Variants in ADGB observed in about 807,000 individuals in gnomAD.
ADGB encodes the protein androglobin, also known as calpain-7-like protein.
ADGB carries 172 observed loss-of-function variants against 210.5 expected under a neutral mutation model. That is an observed-to-expected ratio of 0.82 (90% CI 0.72 to 0.93). ADGB has a LOEUF of 0.93. Among genes scored for constraint, ADGB ranks in the 40% least tolerant of loss-of-function variants. The pLI, the probability that ADGB is intolerant of heterozygous loss-of-function variation, is 0.00. For missense variants in ADGB, 2,025 were observed against 1,964.8 expected (o/e 1.03, Z -0.58); for synonymous variants, 658 against 662.7 (o/e 0.99, Z 0.11).
At chr6:146,805,478 A>C (rs1250736718) in intron 35 of ADGB, among the ~76,000 whole-genome samples, 1 of 152,248 alleles carries the variant, frequency 6.6e-6, no homozygotes, top group African/African-American at 2.4e-5. Context: ...TGGTTATCAT[A>C]ATGCATATTT....
intron 27 of ADGB, among the ~76,000 whole-genome samples, chr6:146,754,980 A>T (rs1006897441): frequency 6.6e-6 from 1 of 152,038 alleles, no homozygotes; most frequent in African/African-American, 2.4e-5. Context: ...AAGATCACCT[A>T]TTTTTATTTT....
At chr6:146,697,616 C>CAAAAAAAATGGGA (rs1776424662) in intron 12 of ADGB, among the ~76,000 whole-genome samples, 2 of 150,290 alleles carry the variant, frequency 1.3e-5, no homozygotes, top group African/African-American at 4.9e-5. Flanking sequence ...AGCATGGAGA[C>CAAAAAAAATGGGA]AAAAAAAATG....
intron 33 of ADGB, among the ~76,000 whole-genome samples, chr6:146,799,450 C>T (rs1778092375): frequency 6.7e-6 from 1 of 150,126 alleles, no homozygotes; most frequent in Admixed American, 6.7e-5. Flanking sequence ...AGGAGAATCG[C>T]TTGAACCAGG....
At chr6:146,758,437 C>A (rs1777441169) in intron 27 of ADGB, among the ~76,000 whole-genome samples, 1 of 151,962 alleles carries the variant, frequency 6.6e-6, no homozygotes, top group South Asian at 2.1e-4. Flanking sequence ...GTTTCAAATT[C>A]TTGCAGGTAA....
At chr6:146,765,104 AT>A (rs1304457170) in intron 28 of ADGB, among the ~76,000 whole-genome samples, 1 of 152,032 alleles carries the variant, frequency 6.6e-6, no homozygotes, top group Non-Finnish European at 1.5e-5. Context: ...TGGCCTGATG[AT>A]AGTTTTAATA....
At chr6:146,807,101 CAT>C (rs1244518136) in intron 35 of ADGB, among the ~76,000 whole-genome samples, 1 of 152,142 alleles carries the variant, frequency 6.6e-6, no homozygotes, top group East Asian at 1.9e-4. Context: ...ATTAATATCT[CAT>C]ATAGATTATA....
intron 20 of ADGB, among the ~76,000 whole-genome samples, chr6:146,728,974 AG>A (rs1776939039): frequency 6.6e-6 from 1 of 152,266 alleles, no homozygotes; most frequent in African/African-American, 2.4e-5. Context: ...ACTGGAAATC[AG>A]CTATGCAGGG....
At chr6:146,781,542 C>A (rs1297752426) in intron 29 of ADGB, among the ~76,000 whole-genome samples, 1 of 150,468 alleles carries the variant, frequency 6.6e-6, no homozygotes, top group Non-Finnish European at 1.5e-5. Context: ...GCTTGTATTA[C>A]AAAGACGTAA....
At chr6:146,699,743 A>G (rs1562277736) in intron 12 of ADGB, among the ~76,000 whole-genome samples, 1 of 85,442 alleles carries the variant, frequency 1.2e-5, no homozygotes, top group African/African-American at 6.1e-5. Flanking sequence ...TTTGCATATC[A>G]GAGATTTGTG....
intron 1 of ADGB, among the ~76,000 whole-genome samples, chr6:146,607,478 C>T (rs1780648591): frequency 6.6e-6 from 1 of 152,098 alleles, no homozygotes; most frequent in Non-Finnish European, 1.5e-5. Flanking sequence ...TTCTGGTTCT[C>T]AAGGGGAATG....
chr6:146,802,949 T>C lies in ADGB; in HGVS notation c.4818+938T>C, dbSNP rs1368206453. 3 of 1,610,112 alleles carry C rather than the reference T, an allele frequency of 1.9e-6. No homozygotes were observed. The African/African-American group carries it at 4.0e-5, about 22-fold the overall frequency. The stretch of plus-strand genomic sequence containing the variant: ...ATCATTTAAAATTTGTTTTGGATGA[T>C]AGTTCTGACCACCACCTTTTAATGA... On this transcript the variant is annotated intron_variant, in intron 35 of 35. Coordinates refer to ENST00000397944, the MANE Select transcript of ADGB (RefSeq NM_024694.4).
chr6:146,617,361 A>G (rs189268266), intron 1 of ADGB, among the ~76,000 whole-genome samples: 58 of 152,174 alleles, frequency 3.8e-4, no homozygotes, highest in Middle Eastern at 3.4e-3. Context: ...GTTTCTCTAA[A>G]CATAAGATCA....
At chr6:146,802,378 T>A (rs73584901) in intron 35 of ADGB, 4,974 of 169,096 alleles carry the variant, frequency 0.029, 237 homozygotes, top group African/African-American at 0.11. Context: ...AAGTGTTTTT[T>A]AAATAAAACA....
chr6:146,808,769 T>C (rs145813778), intron 35 of ADGB, among the ~76,000 whole-genome samples: 2,128 of 152,312 alleles, frequency 0.014, 54 homozygotes, highest in African/African-American at 0.048. Context: ...CTCAGCTCAC[T>C]GCAACCTCTA....
intron 35 of ADGB, among the ~76,000 whole-genome samples, chr6:146,806,030 A>C (rs1455330552): frequency 1.3e-5 from 2 of 152,218 alleles, no homozygotes; most frequent in African/African-American, 4.8e-5. Context: ...TTGTTTGATT[A>C]ATGAATCAGT....
Position 146,701,043 on chromosome 6 carries a change from G to C in ADGB, c.1680G>C (p.Leu560Phe), listed in dbSNP as rs779396235. The change falls in exon 13 of 36, where the codon TTG becomes TTC. Residue 560 changes from leucine (L) to phenylalanine (F), a missense_variant. Physicochemically the swap from Leu to Phe is conservative, Grantham distance 22 (BLOSUM62 0). Coordinates refer to ENST00000397944, the MANE Select transcript of ADGB (RefSeq NM_024694.4). ...DETATHSQTD[L>F]SQITKATSQG... ...CTGCAACACATAGCCAGACAGACTT[G>C]AGTCAAATAACAAAAGCTACATCTC... 6.4e-6 allele frequency: 10 copies of C among 1,550,540 alleles called. No individual in the cohort carries two copies. The Admixed American group carries it at 1.6e-4, about 24-fold the overall frequency.
intron 28 of ADGB, among the ~76,000 whole-genome samples, chr6:146,768,789 CA>C (rs1777611982): frequency 6.6e-6 from 1 of 152,090 alleles, no homozygotes; most frequent in Non-Finnish European, 1.5e-5. Context: ...ACTGCACTCA[CA>C]AAAATTATAA....
intron 10 of ADGB, among the ~76,000 whole-genome samples, chr6:146,687,538 A>G (rs1243336485): frequency 6.6e-6 from 1 of 152,026 alleles, no homozygotes; most frequent in Non-Finnish European, 1.5e-5. Flanking sequence ...GCAAACTAAC[A>G]CAAGAACAGA....
intron 17 of ADGB, 27 bp downstream of exon 17, chr6:146,721,532 C>A (rs1310817088): frequency 4.8e-6 from 4 of 833,834 alleles, no homozygotes; most frequent in Admixed American, 3.0e-5. Context: ...AAAATGATAG[C>A]CTTAAAGCCT....
Sources: allele counts gnomAD v4.1 joint callset (sites outside exome capture counted in the v4.1 genomes callset), GRCh38; gene constraint gnomAD v4.1.1; transcripts MANE v1.5; gene names NCBI Gene and HGNC (gene_info 2026-07-23, HGNC 2026-07-21).